Variants in NRG3 observed in about 807,000 individuals in gnomAD.
The protein encoded by NRG3 is neuregulin 3, also known as pro-neuregulin-3, membrane-bound isoform.
A neutral mutation model predicts 66.9 loss-of-function variants in NRG3; 31 were observed. That is an observed-to-expected ratio of 0.46 (90% CI 0.35 to 0.63). The LOEUF (loss-of-function observed/expected upper bound fraction) is 0.63, where lower values mean the gene tolerates loss of function less well. Ranked by LOEUF, NRG3 falls within the 20% of genes least tolerant of loss-of-function variation. The probability of loss-of-function intolerance (pLI) is 0.00; values close to 1 mark genes in which losing one functional copy is unlikely to be tolerated. For missense variants in NRG3, 910 were observed against 878.9 expected, an observed-to-expected ratio of 1.04 and a Z score of -0.45; for synonymous variants, 393 against 359.4, an observed-to-expected ratio of 1.09 and a Z score of -1.06.
At chr10:82,847,079 A>G (rs2063340894) in intron 3 of NRG3, among the ~76,000 whole-genome samples, 1 of 152,194 alleles carries the variant, frequency 6.6e-6, no homozygotes, top group African/African-American at 2.4e-5. Context: ...CCATCGTAGC[A>G]TGTGGTTTTC....
At chr10:82,009,982 G>A (rs367840680) in intron 1 of NRG3, among the ~76,000 whole-genome samples, 1 of 152,316 alleles carries the variant, frequency 6.6e-6, no homozygotes, top group East Asian at 1.9e-4. Context: ...AGCCATGCTT[G>A]TCTTTTCTCT....
At chr10:82,533,913 T>C (rs1847554241) in intron 2 of NRG3, among the ~76,000 whole-genome samples, 4 of 152,040 alleles carry the variant, frequency 2.6e-5, no homozygotes, top group Admixed American at 2.0e-4. Context: ...TTCAGCAAAG[T>C]TGTAAGATAA....
Position 82,449,588 on chromosome 10 carries a change from T to C in NRG3, c.953+90720T>C, listed in dbSNP as rs943748779. Among the ~76,000 whole-genome samples, 5 of 152,210 alleles carry C rather than the reference T, an allele frequency of 3.3e-5. 1 individual carries two copies. The highest frequency in any genetic ancestry group is 2.0e-4 in the Admixed American group (3 of 15,286). ...GAAGTCTATGATGAGTCAATCTGTG[T>C]ATGCATTCATGCATTCTTGCATTTG... On this transcript the variant is annotated intron_variant, in intron 2 of 8. Transcript: ENST00000372141.
At chr10:82,585,590 C>T (rs577595828) in intron 2 of NRG3, among the ~76,000 whole-genome samples, 1 of 152,300 alleles carries the variant, frequency 6.6e-6, no homozygotes, top group African/African-American at 2.4e-5. Context: ...CTGCCAGATC[C>T]ACTGCAGATT....
intron 1 of NRG3, among the ~76,000 whole-genome samples, chr10:82,201,872 A>G (rs1483228205): frequency 6.6e-6 from 1 of 152,166 alleles, no homozygotes; most frequent in Non-Finnish European, 1.5e-5. Flanking sequence ...TGTGTCTAGT[A>G]TGTAAGAAAT....
chr10:82,398,778 C>A (rs1199183091), intron 2 of NRG3, among the ~76,000 whole-genome samples: 1 of 151,964 alleles, frequency 6.6e-6, no homozygotes, highest in Non-Finnish European at 1.5e-5. Context: ...TATGGTAGTA[C>A]CAAAAATTCC....
intron 3 of NRG3, among the ~76,000 whole-genome samples, chr10:82,753,461 A>T (rs888161114): frequency 6.6e-6 from 1 of 152,120 alleles, no homozygotes; most frequent in African/African-American, 2.4e-5. Flanking sequence ...GTCTTTGATT[A>T]TGATAGTTCA....
chr10:82,299,360 A>C (rs539250795), intron 1 of NRG3, among the ~76,000 whole-genome samples: 1 of 152,326 alleles, frequency 6.6e-6, no homozygotes, highest in South Asian at 2.1e-4. Context: ...GAGAAAACTA[A>C]GTACAGAAAG....
At chr10:82,233,959 TA>T (rs1220214030) in intron 1 of NRG3, among the ~76,000 whole-genome samples, 4 of 152,156 alleles carry the variant, frequency 2.6e-5, no homozygotes, top group Admixed American at 6.5e-5. Context: ...GCTTTCATCT[TA>T]CCCCTTTTCT....
At chr10:81,976,172 T>C (rs180778467) in intron 1 of NRG3, among the ~76,000 whole-genome samples, 14 of 152,248 alleles carry the variant, frequency 9.2e-5, no homozygotes. Flanking sequence ...ACTTGAGGGG[T>C]GAGGTAGTTG....
At chr10:82,901,120 A>G (rs1844178633) in intron 4 of NRG3, among the ~76,000 whole-genome samples, 1 of 152,240 alleles carries the variant, frequency 6.6e-6, no homozygotes, top group South Asian at 2.1e-4. Context: ...CTGATTTTAA[A>G]TGAATAGAAT....
rs766648382 is a variant in NRG3, at chr10:81,936,746, G to A, written c.823+60583G>A. On this transcript the variant is annotated intron_variant, in intron 1 of 8. Coordinates refer to ENST00000372141, the MANE Select transcript of NRG3 (RefSeq NM_001010848.4). ...CCTTGCTGTCATGGTCCAAAATGGT[G>A]ATTAGTGCTTTACCCTCCACATCTG... 5.4e-4 allele frequency among the ~76,000 whole-genome samples: 82 copies of A among 152,252 alleles called. 1 individual carries two copies. Among genetic ancestry groups the A allele is most frequent in the Non-Finnish European group, 9.6e-4 (65 of 68,018 alleles).
intron 4 of NRG3, among the ~76,000 whole-genome samples, chr10:82,868,474 A>G (rs1248275540): frequency 6.6e-6 from 1 of 152,046 alleles, no homozygotes; most frequent in Non-Finnish European, 1.5e-5. Flanking sequence ...ATTTTCTTGG[A>G]GGGAAGGGGT....
At chr10:82,825,614 C>A (rs774226528) in intron 3 of NRG3, among the ~76,000 whole-genome samples, 1 of 152,122 alleles carries the variant, frequency 6.6e-6, no homozygotes. Flanking sequence ...TCTTTTTTCC[C>A]AGCTTTGCTC....
intron 1 of NRG3, chr10:82,340,884 A>G (rs1207714428): frequency 2.6e-5 from 4 of 152,142 alleles, no homozygotes; most frequent in East Asian, 1.9e-4. Flanking sequence ...TTTATGGTTA[A>G]TGGGTACAAA....
intron 1 of NRG3, among the ~76,000 whole-genome samples, chr10:82,198,551 A>C (rs2074573460): frequency 6.6e-6 from 1 of 152,174 alleles, no homozygotes; most frequent in Non-Finnish European, 1.5e-5. Context: ...CACACTTATC[A>C]ACCTAGGTTA....
At chr10:82,776,655 G>C (rs1199933495) in intron 3 of NRG3, among the ~76,000 whole-genome samples, 1 of 150,890 alleles carries the variant, frequency 6.6e-6, no homozygotes, top group Non-Finnish European at 1.5e-5. Context: ...TATTTTAAAA[G>C]ATCTGTTTTC....
At chr10:81,965,278 A>G (rs1175968773) in intron 1 of NRG3, among the ~76,000 whole-genome samples, 1 of 152,198 alleles carries the variant, frequency 6.6e-6, no homozygotes, top group African/African-American at 2.4e-5. Context: ...TCATCTATCA[A>G]TGAATTCTTC....
At chr10:82,692,588 G>T (rs2055024809) in intron 2 of NRG3, among the ~76,000 whole-genome samples, 1 of 152,168 alleles carries the variant, frequency 6.6e-6, no homozygotes, top group Admixed American at 6.5e-5. Context: ...GAATACCAGG[G>T]CCACCACACA....
Sources: allele counts gnomAD v4.1 joint callset (sites outside exome capture counted in the v4.1 genomes callset), GRCh38; gene constraint gnomAD v4.1.1; transcripts MANE v1.5; gene names NCBI Gene and HGNC (gene_info 2026-07-23, HGNC 2026-07-21).